UNC45A: variants seen among roughly 807,000 people sequenced by gnomAD.
UNC45A encodes unc-45 myosin chaperone A.
A neutral mutation model predicts 103.2 loss-of-function variants in UNC45A; 78 were observed. That is an observed-to-expected ratio of 0.76 (90% CI 0.63 to 0.91). The LOEUF (loss-of-function observed/expected upper bound fraction) is 0.91, where lower values mean the gene tolerates loss of function less well. Ranked by LOEUF, UNC45A falls within the 40% of genes least tolerant of loss-of-function variation. The pLI is 0.00. For missense variants in UNC45A, 1,193 were observed against 1,224.8 expected (o/e 0.97, Z 0.39); for synonymous variants, 495 against 504.6 (o/e 0.98, Z 0.25).
intron 12 of UNC45A, 93 bp from the exon 13 acceptor site, chr15:90,948,561 G>C: frequency 6.5e-7 from 1 of 1,546,882 alleles, no homozygotes; most frequent in Admixed American, 1.9e-5. Context: ...GGTCCCAGCT[G>C]AGGGTGGAAT....
In UNC45A at chr15:90,948,133, T is replaced by C. The variant is rs201800595; in HGVS notation, c.1596-9T>C. 6 of 1,613,884 alleles carry C rather than the reference T, an allele frequency of 3.7e-6. No individual in the cohort carries two copies. The African/African-American group carries it at 6.7e-5, about 18-fold the overall frequency. On this transcript the variant is annotated splice_polypyrimidine_tract_variant and intron_variant, in intron 11 of 19. Transcript: ENST00000418476. ...CCTGAGGGTCGTCCACTATCCTGCGTGTCCCCAGGTGGCTGTGCAATGACC... is the reference window on the plus strand; with the variant it reads ...CCTGAGGGTCGTCCACTATCCTGCGCGTCCCCAGGTGGCTGTGCAATGACC...
chr15:90,950,812 G>A (rs1345416427), intron 17 of UNC45A, among the ~76,000 whole-genome samples, 197 bp downstream of exon 17: 3 of 152,314 alleles, frequency 2.0e-5, no homozygotes, highest in South Asian at 4.1e-4. Context: ...AGACTGCCTC[G>A]CTTCCCTGAT....
chr15:90,944,872 T>G lies in UNC45A; in HGVS notation c.1028-20T>G. Reference sequence around the variant, plus strand: ...GGGTTGGAACTAGTGTTCTACTGTCTAAGCGGGGTGTCTTTACAGGTCTGA... The same window carrying G: ...GGGTTGGAACTAGTGTTCTACTGTCGAAGCGGGGTGTCTTTACAGGTCTGA... On this transcript the variant is annotated intron_variant, in intron 8 of 19. Transcript: ENST00000418476. 1 of 1,610,014 alleles carries G rather than the reference T, an allele frequency of 6.2e-7. No individual in the cohort carries two copies.
chr15:90,934,895 G>GC, upstream of UNC45A: 1 of 444,792 alleles, frequency 2.2e-6, no homozygotes, highest in Non-Finnish European at 4.0e-6. Context: ...GAGCGCAGCA[G>GC]CGAGAGCGCG....
rs2151362320 is a variant in UNC45A at position 90,942,591 on chromosome 15, G to A, written c.842G>A (p.Gly281Asp). 6.2e-7 allele frequency: 1 copy of A among 1,614,214 alleles called. No homozygotes were observed. The highest frequency in any genetic ancestry group is 8.5e-7 in the Non-Finnish European group (1 of 1,180,050). ...AAAAAAGGCTTCCGAGGCAAAGAAG[G>A]TGCCATCATTGTGGGTGAGTGGAAG... ...GVKKGFRGKE[G>D]AIIVDPAREL... The change falls in exon 7 of 20, where the codon GGT becomes GAT. Residue 281 changes from glycine (G) to aspartate (D), a missense_variant. Transcript: ENST00000418476.
At chr15:90,946,329 A>AT (rs942544946) in intron 9 of UNC45A, among the ~76,000 whole-genome samples, 6 of 152,248 alleles carry the variant, frequency 3.9e-5, no homozygotes, top group South Asian at 2.1e-4. Context: ...ATGATAAATT[A>AT]TGAAATAAGC....
intron 15 of UNC45A, chr15:90,949,945 T>C (rs2036800861): frequency 3.0e-6 from 2 of 665,818 alleles, no homozygotes. Context: ...CTTTGTCTCA[T>C]TTACCCCCAT....
In UNC45A at chr15:90,946,642, G is replaced by A. The variant is rs543234163; in HGVS notation, c.1228G>A (p.Gly410Arg). Residue 410 changes from glycine to arginine, a missense_variant, in exon 10 of 20, where the codon GGG becomes AGG. By Grantham distance (125) the Gly-to-Arg change is moderately radical. Coordinates refer to ENST00000418476, the MANE Select transcript of UNC45A (RefSeq NM_018671.5). ...KSWFEGQGLA[G>R]KLRAIQTVSC... ...CTGGTTTGAGGGCCAAGGGCTGGCC[G>A]GGAAGCTACGGGCCATCCAGACGGT... The A allele has an allele frequency of 3.0e-5, 48 of 1,609,776 alleles. No individual in the cohort carries two copies. The highest frequency in any genetic ancestry group is 3.9e-5 in the Non-Finnish European group (46 of 1,178,332).
rs2036373456 is a variant in UNC45A, at chr15:90,943,025, C to T, written c.970C>T (p.Pro324Ser). ...CCTGACCCTCCTGATTAAAGCGGTG[C>T]CCCGGAAGTCTCTCAAGGACCCCAA... ...NALTLLIKAV[P>S]RKSLKDPNNS... is the part of the protein sequence containing the mutation. Residue 324 changes from proline (P) to serine (S), a missense_variant, in exon 8 of 20, where the codon CCC becomes TCC. Pro to Ser is a moderately conservative substitution (Grantham distance 74). Coordinates refer to ENST00000418476, the MANE Select transcript of UNC45A (RefSeq NM_018671.5). 1 of 1,614,050 alleles carries T rather than the reference C, an allele frequency of 6.2e-7. No individual in the cohort carries two copies. Among genetic ancestry groups the T allele is most frequent in the Non-Finnish European group, 8.5e-7 (1 of 1,180,030 alleles).
At chr15:90,932,747 C>G, upstream of UNC45A, 1 of 395,822 alleles carries the variant, frequency 2.5e-6, no homozygotes, top group East Asian at 3.6e-5. Context: ...GCCCCCAGCT[C>G]AGTGTGCTCT....
chr15:90,938,755 T>A (rs2036140593), intron 4 of UNC45A, among the ~76,000 whole-genome samples: 1 of 152,146 alleles, frequency 6.6e-6, no homozygotes, highest in African/African-American at 2.4e-5. Flanking sequence ...GACTGCAACC[T>A]CCACCTCCCA....
chr15:90,948,726 G>A lies in UNC45A; in HGVS notation c.1810G>A (p.Glu604Lys), dbSNP rs1243467672. ...CTGCACCAACAGCTATGACTACGAGGAGCCCGACCCCAAGATGGTGGAGCT... is the reference window on the plus strand; with the variant it reads ...CTGCACCAACAGCTATGACTACGAGAAGCCCGACCCCAAGATGGTGGAGCT... Reference protein sequence around the residue: ...VNCTNSYDYEEPDPKMVELAK... With the variant: ...VNCTNSYDYEKPDPKMVELAK... The change falls in exon 13 of 20, where the codon GAG becomes AAG. Residue 604 changes from glutamate (E) to lysine (K), a missense_variant. Glu to Lys is a moderately conservative substitution (Grantham distance 56). Transcript: ENST00000418476. 4 of 1,614,038 alleles carry A rather than the reference G, an allele frequency of 2.5e-6. No homozygotes were observed. Among genetic ancestry groups the A allele is most frequent in the Non-Finnish European group, 3.4e-6 (4 of 1,180,006 alleles).
chr15:90,934,188 G>A (rs980684837), upstream of UNC45A: 9 of 399,524 alleles, frequency 2.3e-5, no homozygotes, highest in Non-Finnish European at 3.5e-5. Context: ...GGTGCTATGG[G>A]CTATTCCTGG....
At chr15:90,950,106 G>A (rs748928112) in intron 15 of UNC45A, 48 bp from the exon 16 acceptor site, 1 of 1,530,850 alleles carries the variant, frequency 6.5e-7, no homozygotes. Context: ...GATGGTCGGG[G>A]TCTTACTCCC....
In UNC45A at chr15:90,935,537, T is replaced by G. The variant is rs769138515; in HGVS notation, c.52-7T>G. 3.2e-6 allele frequency: 5 copies of G among 1,586,420 alleles called. No homozygotes were observed. In the African/African-American group the frequency reaches 6.7e-5, roughly 21 times the overall value. The stretch of plus-strand genomic sequence containing the variant: ...CTCCGACGTTTCCGCCCCCTTTCTC[T>G]CTACAGGCCAGCTCAGTGGAGCAGC... On this transcript the variant is annotated splice_polypyrimidine_tract_variant and splice_region_variant and intron_variant, in intron 1 of 19. Coordinates refer to ENST00000418476, the MANE Select transcript of UNC45A (RefSeq NM_018671.5).
At chr15:90,935,514 C>G in intron 1 of UNC45A, 30 bp from the exon 2 acceptor site, 1 of 1,578,156 alleles carries the variant, frequency 6.3e-7, no homozygotes, top group Non-Finnish European at 8.6e-7. Context: ...CGAACCCCCT[C>G]CGACGTTTCC....
chr15:90,952,867 T>C (rs2036994545), intron 17 of UNC45A, 62 bp from the exon 18 acceptor site: 2 of 1,486,656 alleles, frequency 1.3e-6, no homozygotes, highest in South Asian at 2.3e-5. Context: ...TAGTTCAACA[T>C]GAGGGTTAGA....
chr15:90,932,198 T>C (rs2035823970), upstream of UNC45A: 2 of 1,380,122 alleles, frequency 1.4e-6, no homozygotes, highest in Non-Finnish European at 2.0e-6. Flanking sequence ...ATGTGGCCCC[T>C]TGTGGACTCT....
Position 90,942,560 on chromosome 15 carries a change from G to T in UNC45A, c.811G>T (p.Gly271Cys), listed in dbSNP as rs573743148. 3.5e-5 allele frequency: 56 copies of T among 1,614,154 alleles called. No individual in the cohort carries two copies. In the Middle Eastern group the frequency reaches 1.5e-3, roughly 43 times the overall value. Residue 271 changes from glycine to cysteine, a missense_variant, in exon 7 of 20, where the codon GGT (glycine) becomes TGT (cysteine). Physicochemically the swap from Gly to Cys is radical, Grantham distance 159. Coordinates refer to ENST00000418476, the MANE Select transcript of UNC45A (RefSeq NM_018671.5). The part of the protein sequence containing the change: ...LQVMFDALKE[G>C]VKKGFRGKEG... Reference sequence around the variant, plus strand: ...GGTTATGTTTGATGCCCTCAAGGAAGGTGTCAAAAAAGGCTTCCGAGGCAA... The same window carrying T: ...GGTTATGTTTGATGCCCTCAAGGAATGTGTCAAAAAAGGCTTCCGAGGCAA...
Sources: allele counts gnomAD v4.1 joint callset (sites outside exome capture counted in the v4.1 genomes callset), GRCh38; gene constraint gnomAD v4.1.1; transcripts MANE v1.5; gene names NCBI Gene and HGNC (gene_info 2026-07-23, HGNC 2026-07-21).